Variants in TRAF7 observed in about 807,000 individuals in gnomAD.
TRAF7 encodes the protein E3 ubiquitin-protein ligase TRAF7.
TRAF7 carries 45 observed loss-of-function variants against 89.3 expected under a neutral mutation model. The ratio of observed to expected loss-of-function variants is 0.50; its 90% CI spans 0.40 to 0.65. TRAF7 has a LOEUF of 0.65. TRAF7 is among the 30% of genes least tolerant of loss of function. The pLI, the probability that TRAF7 is intolerant of heterozygous loss-of-function variation, is 0.00. For missense variants in TRAF7, 677 were observed against 918.1 expected (o/e 0.74, Z 3.39); for synonymous variants, 406 against 369.2 (o/e 1.10, Z -1.14).
At chr16:2,165,674 G>T (rs879000998) in intron 2 of TRAF7, among the ~76,000 whole-genome samples, 1 of 143,290 alleles carries the variant, frequency 7.0e-6, no homozygotes, top group Non-Finnish European at 1.5e-5. Context: ...TGGTCGCATG[G>T]TTAAGCGTGT....
chr16:2,156,384 A>G (rs1253867163), intron 1 of TRAF7, among the ~76,000 whole-genome samples: 1 of 152,188 alleles, frequency 6.6e-6, no homozygotes. Flanking sequence ...TGCATTGGCA[A>G]ATGCCTCCTG....
At position 2,177,637 on chromosome 16, in the gene TRAF7, G is replaced by A. The variant is rs151281479; in HGVS notation, c.*1063G>A. ...TGCCTGCACAGCCCCTGGAGAGGGG[G>A]CCAGGCACACCCTCAGAGGAGCTGC... On this transcript the variant is annotated 3_prime_UTR_variant, in exon 21 of 21. Coordinates refer to ENST00000326181, the MANE Select transcript of TRAF7 (RefSeq NM_032271.3). 37 of 237,550 alleles carry A rather than the reference G, an allele frequency of 1.6e-4. 1 individual carries two copies. Among genetic ancestry groups the A allele is most frequent in the Admixed American group, 9.7e-4 (18 of 18,464 alleles). 14.7% of individuals were successfully genotyped at this position (237,550 alleles called of 1,614,324 possible).
rs372223771 is a variant in TRAF7 at position 2,165,866 on chromosome 16, G to C, written c.82-13G>C. On this transcript the variant is annotated splice_polypyrimidine_tract_variant and intron_variant, in intron 2 of 20. Transcript: ENST00000326181. The stretch of plus-strand genomic sequence containing the variant: ...CCCGGAATGAGGCCAGGTCTCCTCC[G>C]TCCTCCCTCTAGACCAGAATGGAAA... 6.2e-7 allele frequency: 1 copy of C among 1,613,898 alleles called. No homozygotes were observed. Among genetic ancestry groups the C allele is most frequent in the Non-Finnish European group, 8.5e-7 (1 of 1,179,950 alleles).
At chr16:2,165,587 G>T (rs1453061881) in intron 2 of TRAF7, among the ~76,000 whole-genome samples, 2 of 133,248 alleles carry the variant, frequency 1.5e-5, no homozygotes, top group South Asian at 2.4e-4. Context: ...TGGCCTGGTC[G>T]CATGGTTAAG....
intron 1 of TRAF7, among the ~76,000 whole-genome samples, chr16:2,156,851 AG>A (rs2093036954): frequency 6.6e-6 from 1 of 152,134 alleles, no homozygotes; most frequent in Non-Finnish European, 1.5e-5. Flanking sequence ...CAGACTTCAG[AG>A]TTCACTGGGG....
intron 13 of TRAF7, 61 bp from the exon 14 acceptor site, chr16:2,174,190 A>G (rs2093125779): frequency 6.3e-7 from 1 of 1,598,092 alleles, no homozygotes; most frequent in African/African-American, 1.3e-5. Context: ...CATTCCTGTC[A>G]TGCTGCCCCT....
chr16:2,171,039 C>T (rs773758299), intron 5 of TRAF7, among the ~76,000 whole-genome samples: 2 of 152,198 alleles, frequency 1.3e-5, no homozygotes, highest in African/African-American at 2.4e-5. Flanking sequence ...CAAGGCTGGG[C>T]GGCTGAACTC....
At chr16:2,165,825 C>T in intron 2 of TRAF7, 54 bp from the exon 3 acceptor site, 1 of 1,607,940 alleles carries the variant, frequency 6.2e-7, no homozygotes, top group Non-Finnish European at 8.5e-7. Flanking sequence ...TCCACATGTG[C>T]ACGTCCTCCT....
chr16:2,165,880 C>T lies in TRAF7; in HGVS notation c.83C>T (p.Thr28Ile). Reference protein sequence around the residue: ...NLPTPDVTTGTRMETTFGPAF... With the variant: ...NLPTPDVTTGIRMETTFGPAF... ...AGGTCTCCTCCGTCCTCCCTCTAGA[C>T]CAGAATGGAAACGACCTTCGGACCC... The change falls in exon 3 of 21, where the codon ACC (threonine) becomes ATC (isoleucine). Residue 28 changes from threonine (T) to isoleucine (I), a missense_variant and splice_region_variant. Thr to Ile is a moderately conservative substitution (Grantham distance 89). Coordinates refer to ENST00000326181, the MANE Select transcript of TRAF7 (RefSeq NM_032271.3). 6.2e-7 allele frequency: 1 copy of T among 1,614,132 alleles called. No individual in the cohort carries two copies. Among genetic ancestry groups the T allele is most frequent in the Non-Finnish European group, 8.5e-7 (1 of 1,179,966 alleles).
intron 17 of TRAF7, 56 bp from the exon 18 acceptor site, chr16:2,175,778 G>A (rs1401188228): frequency 6.2e-6 from 10 of 1,604,304 alleles, no homozygotes; most frequent in Non-Finnish European, 7.7e-6. Flanking sequence ...GGGGGTGCGG[G>A]GGCCCTGGGG....
intron 14 of TRAF7, 69 bp from the exon 15 acceptor site, chr16:2,175,042 G>T: frequency 6.3e-7 from 1 of 1,598,590 alleles, no homozygotes; most frequent in Non-Finnish European, 8.6e-7. Context: ...TGGACCTCGG[G>T]CCCTGCCAGG....
At chr16:2,170,156 A>G (rs2093102290) in intron 4 of TRAF7, among the ~76,000 whole-genome samples, 1 of 152,130 alleles carries the variant, frequency 6.6e-6, no homozygotes, top group Non-Finnish European at 1.5e-5. Context: ...CAGCAAGGCC[A>G]GACAAGCAGC....
rs562599817 is a variant in TRAF7, at chr16:2,164,523, A to G, written c.81+522A>G. Among the ~76,000 whole-genome samples, 463 of 134,736 alleles carry G rather than the reference A, an allele frequency of 3.4e-3. 2 individuals carry two copies. Among genetic ancestry groups the G allele is most frequent in the African/African-American group, 0.013 (434 of 34,620 alleles). 88.4% of individuals were successfully genotyped at this position (134,736 alleles called of 152,430 possible). A position where few individuals can be genotyped will look rare whatever the true frequency, so the allele number is the denominator to read the frequency against. On this transcript the variant is annotated intron_variant, in intron 2 of 20. Transcript: ENST00000326181. ...GTGCTACGTGGCCTGGCCTGGTCGC[A>G]TGGTTAAGCGTGTGAGTGCTGCGTG...
At position 2,163,971 on chromosome 16, in the gene TRAF7, C is replaced by T. The variant is rs773846122; in HGVS notation, c.51C>T (p.Ser17=). Residue 17 remains serine, a synonymous_variant, in exon 2 of 21, where the codon AGC becomes AGT. Transcript: ENST00000326181. The surrounding 1 kb of genome is among the most constrained non-coding windows in gnomAD (Gnocchi z 4.3). ...ARYNRFSGGP[S]NLPTPDVTTG... ...ACAACCGCTTCTCCGGGGGGCCCAG[C>T]AATCTTCCCACCCCAGACGTCACCA... 2.1e-5 allele frequency: 34 copies of T among 1,612,802 alleles called. No homozygotes were observed. The highest frequency in any genetic ancestry group is 2.9e-5 in the Non-Finnish European group (34 of 1,179,706).
chr16:2,173,751 T>C lies in TRAF7; in HGVS notation c.1087-37T>C, dbSNP rs773306322. 5 of 1,608,154 alleles carry C rather than the reference T, an allele frequency of 3.1e-6. No homozygotes were observed. The East Asian group carries it at 1.1e-4, about 36-fold the overall frequency. ...GGCTGCACTGGCCCCACAGCAGCCC[T>C]GCCCACCTGCCCTCTGCCCTGCCCT... On this transcript the variant is annotated intron_variant, in intron 11 of 20. Transcript: ENST00000326181.
chr16:2,160,596 G>A (rs1051063610), intron 1 of TRAF7, among the ~76,000 whole-genome samples: 2 of 149,962 alleles, frequency 1.3e-5, no homozygotes, highest in African/African-American at 4.9e-5. Context: ...CAGGCGTGGT[G>A]GGGACATGGA....
rs1443580376 is a variant in TRAF7, at chr16:2,176,978, G to A, written c.*404G>A. On this transcript the variant is annotated 3_prime_UTR_variant, in exon 21 of 21. Transcript: ENST00000326181. ...CAGCTCCTCGGGACAAGGGGGCTGT[G>A]TGTGGCCTTGAGGTTGGTGTGCACA... 1 of 408,306 alleles carries A rather than the reference G, an allele frequency of 2.4e-6. No individual in the cohort carries two copies. Among genetic ancestry groups the A allele is most frequent in the Admixed American group, 3.7e-5 (1 of 27,340 alleles). 25.3% of individuals were successfully genotyped at this position (408,306 alleles called of 1,614,324 possible).
Position 2,168,354 on chromosome 16 carries a change from G to C in TRAF7, c.231+186G>C. ...GTGAGAAAGGAGGCTCCTGTGGCTG[G>C]ACTGTGGGTGGCAGGGGGCAGCCAG... On this transcript the variant is annotated intron_variant, in intron 4 of 20. Coordinates refer to ENST00000326181, the MANE Select transcript of TRAF7 (RefSeq NM_032271.3). The surrounding 1 kb of genome is among the most constrained non-coding windows in gnomAD (Gnocchi z 4.1). The C allele has an allele frequency of 1.8e-6, 1 of 567,296 alleles. No homozygotes were observed. Among genetic ancestry groups the C allele is most frequent in the Non-Finnish European group, 3.1e-6 (1 of 322,132 alleles). 35.1% of individuals were successfully genotyped at this position (567,296 alleles called of 1,614,324 possible).
rs202214562 is a variant in TRAF7, at chr16:2,168,078, T to C, written c.141T>C (p.Ala47=). 1.1e-4 allele frequency: 172 copies of C among 1,611,036 alleles called. No homozygotes were observed. The highest frequency in any genetic ancestry group is 9.3e-6 in the Non-Finnish European group (11 of 1,179,752). ...AFSAVTTITK[A]DGTSTYKQHC... is the part of the protein sequence containing the mutation. ...GACGCCAGCCCTCTTGCCTTGCAGC[T>C]GACGGGACCAGCACCTACAAGCAGC... Residue 47 remains alanine (A), a splice_region_variant and synonymous_variant, in exon 4 of 21, where the codon GCT becomes GCC. Transcript: ENST00000326181. This position sits in a 1 kb window ranked among gnomAD's most constrained non-coding sequence, Gnocchi z 4.1.
Sources: allele counts gnomAD v4.1 joint callset (sites outside exome capture counted in the v4.1 genomes callset), GRCh38; gene constraint gnomAD v4.1.1; non-coding constraint Gnocchi (gnomAD v3.1); transcripts MANE v1.5; gene names NCBI Gene and HGNC (gene_info 2026-07-23, HGNC 2026-07-21).